RNF130: variants seen among roughly 807,000 people sequenced by gnomAD.
RNF130 encodes the protein ring finger protein 130.
A neutral mutation model predicts 44.6 loss-of-function variants in RNF130; 21 were observed. That is an observed-to-expected ratio of 0.47 (90% CI 0.33 to 0.68). The LOEUF is 0.68. Among genes scored for constraint, RNF130 ranks in the 30% least tolerant of loss-of-function variants. RNF130 has a pLI of 0.02. For synonymous variants in RNF130, 214 were observed against 210.4 expected (o/e 1.02, Z -0.15); for missense variants, 479 against 560.6 (o/e 0.85, Z 1.47).
intron 8 of RNF130, among the ~76,000 whole-genome samples, chr5:179,959,665 A>G (rs1468869649): frequency 6.6e-6 from 1 of 152,150 alleles, no homozygotes; most frequent in African/African-American, 2.4e-5. Context: ...TAATTCAGAA[A>G]TACTGAGAGT....
intron 3 of RNF130, among the ~76,000 whole-genome samples, chr5:180,000,879 T>C (rs1763318947): frequency 6.6e-6 from 1 of 152,218 alleles, no homozygotes; most frequent in Non-Finnish European, 1.5e-5. Context: ...CATTAAGTTT[T>C]TTCCCATTGG....
At chr5:179,979,946 C>A (rs906045523) in intron 4 of RNF130, among the ~76,000 whole-genome samples, 183 bp downstream of exon 4, 2 of 152,098 alleles carry the variant, frequency 1.3e-5, no homozygotes, top group African/African-American at 4.8e-5. Flanking sequence ...GCAGAAGAAA[C>A]CTCTGTAGGA....
exon 8 of RNF130, chr5:179,918,498 G>A (rs189976110): frequency 1.4e-4 from 22 of 152,268 alleles, no homozygotes; most frequent in African/African-American, 5.3e-4. Context: ...CCTTTCAGGT[G>A]GGTCAAACAC....
intron 3 of RNF130, among the ~76,000 whole-genome samples, chr5:179,998,587 C>T (rs540263295): frequency 3.3e-5 from 5 of 152,088 alleles, no homozygotes; most frequent in Non-Finnish European, 7.4e-5. Flanking sequence ...GCAAGCAAAA[C>T]TGTGCCTAGC....
chr5:179,992,664 T>C (rs1002519125), intron 3 of RNF130, among the ~76,000 whole-genome samples: 3 of 152,214 alleles, frequency 2.0e-5, no homozygotes, highest in African/African-American at 7.2e-5. Flanking sequence ...TCTGCACAAA[T>C]AGTTGCTTGT....
intron 3 of RNF130, among the ~76,000 whole-genome samples, chr5:179,992,763 T>G (rs1394866445): frequency 6.6e-6 from 1 of 152,206 alleles, no homozygotes; most frequent in East Asian, 1.9e-4. Context: ...CTAGGGTACA[T>G]GTGCACAACG....
chr5:180,005,696 T>C (rs780017222), intron 3 of RNF130, among the ~76,000 whole-genome samples: 4 of 152,154 alleles, frequency 2.6e-5, no homozygotes, highest in African/African-American at 4.8e-5. Flanking sequence ...AGCTCCAAGG[T>C]CACAACCTAC....
At chr5:180,028,249 C>G (rs773004207) in intron 2 of RNF130, among the ~76,000 whole-genome samples, 5 of 152,128 alleles carry the variant, frequency 3.3e-5, no homozygotes, top group Non-Finnish European at 1.5e-5. Flanking sequence ...GTCATGACTT[C>G]GTACTCAATG....
chr5:180,014,782 C>T lies in RNF130; in HGVS notation c.443-1471G>A, dbSNP rs551328810. The stretch of plus-strand genomic sequence containing the variant: ...AGGTGGATTGCTTGAGCTCAGGAGT[C>T]CAAGACCAGCCTGGGCAACATGGTG... On this transcript the variant is annotated intron_variant, in intron 2 of 8. Transcript: ENST00000521389. 3.9e-5 allele frequency among the ~76,000 whole-genome samples: 6 copies of T among 152,204 alleles called. No homozygotes were observed. In the East Asian group the frequency reaches 1.2e-3, roughly 29 times the overall value.
intron 8 of RNF130, among the ~76,000 whole-genome samples, chr5:179,963,051 C>T (rs1312922892): frequency 6.6e-6 from 1 of 152,256 alleles, no homozygotes; most frequent in Admixed American, 6.5e-5. Flanking sequence ...GTCCTGACCA[C>T]AGGCACGGCC....
At chr5:179,991,353 T>A (rs1763078600) in intron 3 of RNF130, among the ~76,000 whole-genome samples, 1 of 152,248 alleles carries the variant, frequency 6.6e-6, no homozygotes, top group South Asian at 2.1e-4. Context: ...TGCCTGTTAA[T>A]CTTTCTGCCT....
At chr5:180,016,029 T>C (rs1464698118) in intron 2 of RNF130, among the ~76,000 whole-genome samples, 2 of 152,270 alleles carry the variant, frequency 1.3e-5, no homozygotes, top group East Asian at 1.9e-4. Flanking sequence ...GGGAACCTTT[T>C]GGACTAGGAA....
intron 7 of RNF130, among the ~76,000 whole-genome samples, chr5:179,932,807 G>T (rs1212247314): frequency 6.6e-6 from 1 of 152,036 alleles, no homozygotes; most frequent in African/African-American, 2.4e-5. Context: ...CTGCACTCCA[G>T]CCTGGGCAAC....
intron 5 of RNF130, among the ~76,000 whole-genome samples, chr5:179,975,943 C>A (rs919422887): frequency 1.3e-5 from 2 of 152,134 alleles, no homozygotes; most frequent in Non-Finnish European, 2.9e-5. Flanking sequence ...ATAATTAAAG[C>A]GCATATGCCC....
At chr5:179,929,197 C>T (rs1761770594) in intron 7 of RNF130, among the ~76,000 whole-genome samples, 1 of 152,082 alleles carries the variant, frequency 6.6e-6, no homozygotes. Context: ...TTCAGTGGAG[C>T]CAGCACCATC....
intron 4 of RNF130, 89 bp from the exon 5 acceptor site, chr5:179,978,374 T>C: frequency 2.3e-6 from 2 of 868,438 alleles, no homozygotes; most frequent in Non-Finnish European, 3.9e-6. Flanking sequence ...TTTCTGTGGC[T>C]ACTATGGTAA....
intron 2 of RNF130, among the ~76,000 whole-genome samples, chr5:180,032,799 A>C (rs1764159545): frequency 6.6e-6 from 1 of 152,196 alleles, no homozygotes. Context: ...TGGCTATTCT[A>C]GGTACTTTGC....
chr5:180,021,737 C>G lies in RNF130; in HGVS notation c.443-8426G>C, dbSNP rs184186300. On this transcript the variant is annotated intron_variant, in intron 2 of 8. Transcript: ENST00000521389. The stretch of plus-strand genomic sequence containing the variant: ...AAGTTCCTGGCATGATGCCTCATCA[C>G]CCCCGAATATGTGGTATTTTCCTAC... 3.3e-5 allele frequency among the ~76,000 whole-genome samples: 5 copies of G among 152,244 alleles called. No individual in the cohort carries two copies. The East Asian group carries it at 9.6e-4, about 29-fold the overall frequency.
At chr5:179,993,850 T>G (rs560448983) in intron 3 of RNF130, among the ~76,000 whole-genome samples, 8 of 152,370 alleles carry the variant, frequency 5.3e-5, no homozygotes, top group African/African-American at 1.9e-4. Flanking sequence ...AGGGTTTTTA[T>G]GGTTTTAAGT....
Sources: gnomAD v4.1 joint callset for allele counts (sites outside exome capture counted in the v4.1 genomes callset) on GRCh38, gnomAD v4.1.1 for gene constraint, MANE v1.5 for transcripts, NCBI Gene and HGNC (gene_info 2026-07-23, HGNC 2026-07-21) for gene names.